LSMEM2: variants seen among roughly 807,000 people sequenced by gnomAD.
LSMEM2 encodes leucine rich single-pass membrane protein 2.
Under a neutral mutation model 17.3 loss-of-function variants are expected in LSMEM2, and 20 were observed. The ratio of observed to expected loss-of-function variants is 1.16; its 90% CI spans 0.81 to 1.68. The LOEUF (loss-of-function observed/expected upper bound fraction) is 1.68. Ranked by LOEUF, LSMEM2 falls within the 40% of genes most tolerant of loss-of-function variation. LSMEM2 has a pLI of 0.00. For synonymous variants in LSMEM2, 94 were observed against 97.8 expected (o/e 0.96, Z 0.23); for missense variants, 207 against 214.3 (o/e 0.97, Z 0.21).
At position 50,287,052 on chromosome 3, in the gene LSMEM2, C is replaced by CCACTT. The variant is rs782694826; in HGVS notation, c.362-15_362-11dup. ...GGGTGGCACATGGTCTGATGATCCCCCACTTCCCATTCACAGTGCTGCAGA... is the reference window on the plus strand; with the variant it reads ...GGGTGGCACATGGTCTGATGATCCCCCACTTCACTTCCCATTCACAGTGCTGCAGA... On this transcript the variant is annotated splice_polypyrimidine_tract_variant and intron_variant, in intron 3 of 3. Transcript: ENST00000316436. 2.5e-6 allele frequency: 4 copies of CCACTT among 1,613,714 alleles called. No individual in the cohort carries two copies. The highest frequency in any genetic ancestry group is 1.7e-5 in the Admixed American group (1 of 59,998).
At chr3:50,280,177 C>CT (rs10656924) in intron 1 of LSMEM2, among the ~76,000 whole-genome samples, 20 of 117,644 alleles carry the variant, frequency 1.7e-4, no homozygotes, top group Middle Eastern at 5.4e-3. Context: ...CTGGCCTCAA[C>CT]TTTTTTTTTT....
intron 1 of LSMEM2, among the ~76,000 whole-genome samples, chr3:50,281,282 G>A (rs28649044): frequency 3.4e-5 from 5 of 148,470 alleles, no homozygotes; most frequent in African/African-American, 1.0e-4. Context: ...GGATGGTCTC[G>A]ATCTCCTGAC....
Position 50,286,679 on chromosome 3 carries a change from A to T in LSMEM2, c.178A>T (p.Thr60Ser). Residue 60 changes from threonine (T) to serine (S), a missense_variant, in exon 3 of 4, where the codon ACA (threonine) becomes TCA (serine). By Grantham distance (58) the Thr-to-Ser change is moderately conservative. Coordinates refer to ENST00000316436, the MANE Select transcript of LSMEM2 (RefSeq NM_153215.3). ...CCAATGTCCCATCCACCCAGCAGGC[A>T]CACTGCGCCCCTATCTAACTGAAGA... The part of the protein sequence containing the change: ...SISDLHSGAG[T>S]LRPYLTEEAR... 6.2e-7 allele frequency: 1 copy of T among 1,613,488 alleles called. No individual in the cohort carries two copies. Among genetic ancestry groups the T allele is most frequent in the Non-Finnish European group, 8.5e-7 (1 of 1,179,572 alleles).
Position 50,286,590 on chromosome 3 carries a change from T to C in LSMEM2, c.172+6T>C, listed in dbSNP as rs1701542050. ...CAGCGACCTACATAGTGGAGGTGAG[T>C]GGGGACAGTGGGGTGGATGATGTGC... On this transcript the variant is annotated splice_donor_region_variant and intron_variant, in intron 2 of 3. Coordinates refer to ENST00000316436, the MANE Select transcript of LSMEM2 (RefSeq NM_153215.3). 1.2e-6 allele frequency: 2 copies of C among 1,611,164 alleles called. No individual in the cohort carries two copies. The highest frequency in any genetic ancestry group is 2.2e-5 in the South Asian group (2 of 90,684).
Position 50,287,087 on chromosome 3 carries a change from T to C in LSMEM2, c.380T>C (p.Leu127Pro). The C allele has an allele frequency of 6.2e-7, 1 of 1,614,172 alleles. No individual in the cohort carries two copies. The highest frequency in any genetic ancestry group is 8.5e-7 in the Non-Finnish European group (1 of 1,180,010). The change falls in exon 4 of 4, where the codon CTG becomes CCG. Residue 127 changes from leucine (L) to proline (P), a missense_variant. Coordinates refer to ENST00000316436, the MANE Select transcript of LSMEM2 (RefSeq NM_153215.3). ...VYLSVLQSES[L>P]RILAHTLRTQ... ...TTCACAGTGCTGCAGAGTGAATCCC[T>C]GCGCATCCTGGCACACACGCTCCGC...
chr3:50,281,181 G>A (rs1292623797), intron 1 of LSMEM2, among the ~76,000 whole-genome samples: 4 of 142,860 alleles, frequency 2.8e-5, no homozygotes, highest in East Asian at 4.3e-4. Context: ...TCAGCCTCCC[G>A]AGTAGCTGGG....
intron 1 of LSMEM2, among the ~76,000 whole-genome samples, chr3:50,280,199 G>C (rs1266650494): frequency 4.0e-5 from 2 of 50,520 alleles, no homozygotes; most frequent in African/African-American, 1.7e-4. Context: ...TTGTCACCCA[G>C]GCTGGAGTGC....
At chr3:50,280,217 C>T (rs1312277274) in intron 1 of LSMEM2, among the ~76,000 whole-genome samples, 18 of 120,716 alleles carry the variant, frequency 1.5e-4, no homozygotes, top group African/African-American at 5.6e-4. Flanking sequence ...TGCAGTGGTG[C>T]GGTCTCGGCT....
intron 1 of LSMEM2, among the ~76,000 whole-genome samples, chr3:50,284,718 G>A (rs782401312): frequency 1.3e-5 from 2 of 152,022 alleles, no homozygotes; most frequent in African/African-American, 2.4e-5. Context: ...GGGTGAAAGA[G>A]TAAGAATCTG....
chr3:50,284,762 G>A (rs1172455876), intron 1 of LSMEM2, among the ~76,000 whole-genome samples: 4 of 151,768 alleles, frequency 2.6e-5, no homozygotes, highest in African/African-American at 7.3e-5. Flanking sequence ...CAGGCCAGGC[G>A]CGATGGCTCA....
intron 1 of LSMEM2, among the ~76,000 whole-genome samples, chr3:50,284,358 G>A: frequency 6.6e-6 from 1 of 152,082 alleles, no homozygotes. Flanking sequence ...TTCCTATGGG[G>A]ATGCCTAATG....
chr3:50,287,480 A>C lies in LSMEM2; in HGVS notation c.*278A>C. 1 of 498,416 alleles carries C rather than the reference A, an allele frequency of 2.0e-6. No individual in the cohort carries two copies. Among genetic ancestry groups the C allele is most frequent in the Non-Finnish European group, 3.7e-6 (1 of 273,866 alleles). 30.9% of individuals were successfully genotyped at this position (498,416 alleles called of 1,614,324 possible). A position where few individuals can be genotyped will look rare whatever the true frequency, so the allele number is the denominator to read the frequency against. On this transcript the variant is annotated 3_prime_UTR_variant, in exon 4 of 4. Coordinates refer to ENST00000316436, the MANE Select transcript of LSMEM2 (RefSeq NM_153215.3). The stretch of plus-strand genomic sequence containing the variant: ...CTGGCTCCTCCTGTGGCCTGTCAAC[A>C]CTCTCTGGCCACCCCAGATGGCAGG...
At chr3:50,284,500 AGGAT>A (rs1701472077) in intron 1 of LSMEM2, among the ~76,000 whole-genome samples, 1 of 151,416 alleles carries the variant, frequency 6.6e-6, no homozygotes, top group Non-Finnish European at 1.5e-5. Flanking sequence ...GAGGCCAAGC[AGGAT>A]GGATCTCTTG....
At chr3:50,278,969 C>G (rs1701331672), upstream of LSMEM2, 3 of 827,018 alleles carry the variant, frequency 3.6e-6, no homozygotes, top group Admixed American at 2.2e-5. Context: ...TCACTCTGCC[C>G]CTTCCCATGG....
rs782525324 is a variant in LSMEM2 at position 50,286,837 on chromosome 3, C to T, written c.336C>T (p.Leu112=). 77 of 1,613,700 alleles carry T rather than the reference C, an allele frequency of 4.8e-5. No homozygotes were observed. The highest frequency in any genetic ancestry group is 2.2e-4 in the South Asian group (20 of 91,088). ...TGCTGGTGCTCACTTGCCTAGTGCT[C>T]GCACTCCTGGCTGTCTACCTGAGCG... is the stretch of plus-strand genomic sequence containing the variant. ...LALLVLTCLV[L]ALLAVYLSVL... The change falls in exon 3 of 4, where the codon CTC becomes CTT. Residue 112 remains leucine, a synonymous_variant. Coordinates refer to ENST00000316436, the MANE Select transcript of LSMEM2 (RefSeq NM_153215.3).
chr3:50,281,877 G>A (rs1370638597), intron 1 of LSMEM2, among the ~76,000 whole-genome samples: 1 of 149,970 alleles, frequency 6.7e-6, no homozygotes, highest in East Asian at 2.0e-4. Flanking sequence ...TTTGAGACGA[G>A]GTCTAGCTCT....
At chr3:50,278,725 G>A (rs749124588), upstream of LSMEM2, among the ~76,000 whole-genome samples, 1 of 152,216 alleles carries the variant, frequency 6.6e-6, no homozygotes, top group Non-Finnish European at 1.5e-5. Context: ...GAGGAGAGAT[G>A]ACTGGGCTGT....
chr3:50,285,807 G>T (rs1553708314), intron 1 of LSMEM2, among the ~76,000 whole-genome samples: 1 of 151,832 alleles, frequency 6.6e-6, no homozygotes, highest in South Asian at 2.1e-4. Flanking sequence ...GCGCCATTGC[G>T]CTCCAGCCTG....
rs1168665193 is a variant in LSMEM2, at chr3:50,286,995, C to T, written c.362-74C>T. 7.5e-6 allele frequency: 12 copies of T among 1,599,140 alleles called. No homozygotes were observed. In the Admixed American group the frequency reaches 1.7e-4, roughly 22 times the overall value. On this transcript the variant is annotated intron_variant, in intron 3 of 3. Coordinates refer to ENST00000316436, the MANE Select transcript of LSMEM2 (RefSeq NM_153215.3). ...ATGGGGCGGGAGGCCCGTGGCTGCCCCTGGTCCTGGGCTGGGTCTGCAGGG... is the reference window on the plus strand; with the variant it reads ...ATGGGGCGGGAGGCCCGTGGCTGCCTCTGGTCCTGGGCTGGGTCTGCAGGG...
Sources: allele counts gnomAD v4.1 joint callset (sites outside exome capture counted in the v4.1 genomes callset), GRCh38; gene constraint gnomAD v4.1.1; transcripts MANE v1.5; gene names NCBI Gene and HGNC (gene_info 2026-07-23, HGNC 2026-07-21).